AUTS2: variants seen among roughly 807,000 people sequenced by gnomAD.
The protein encoded by AUTS2 is autism susceptibility gene 2 protein.
AUTS2 carries 17 observed loss-of-function variants against 112.4 expected under a neutral mutation model. That is an observed-to-expected ratio of 0.15 (90% confidence interval 0.10 to 0.23). The LOEUF is 0.23. AUTS2 is among the 10% of genes least tolerant of loss of function. The probability of loss-of-function intolerance (pLI) is 1.00; values close to 1 mark genes in which losing one functional copy is unlikely to be tolerated. For synonymous variants in AUTS2, 751 were observed against 702.7 expected (o/e 1.07, Z -1.09); for missense variants, 1,510 against 1,701.6 (o/e 0.89, Z 1.98).
chr7:69,629,559 A>G (rs766825236), intron 1 of AUTS2, among the ~76,000 whole-genome samples: 2 of 152,226 alleles, frequency 1.3e-5, no homozygotes, highest in Non-Finnish European at 2.9e-5. Flanking sequence ...ATGAGCCCCA[A>G]CTTCTCATTA....
chr7:69,976,859 G>T (rs1341739698), intron 2 of AUTS2, among the ~76,000 whole-genome samples: 1 of 152,048 alleles, frequency 6.6e-6, no homozygotes, highest in Admixed American at 6.6e-5. Flanking sequence ...CGGGCATATG[G>T]TTTGGAAACA....
intron 5 of AUTS2, among the ~76,000 whole-genome samples, chr7:70,446,286 T>C (rs1203398647): frequency 2.0e-5 from 3 of 152,204 alleles, no homozygotes; most frequent in Non-Finnish European, 4.4e-5. Flanking sequence ...AGATTATGTA[T>C]TTGCCACTAA....
chr7:69,891,597 A>G (rs978438650), intron 1 of AUTS2, among the ~76,000 whole-genome samples: 2 of 151,630 alleles, frequency 1.3e-5, no homozygotes, highest in Admixed American at 1.3e-4. Context: ...TCTCACCAGT[A>G]GTGTATGTAT....
chr7:70,390,735 G>A (rs892127084), intron 4 of AUTS2, among the ~76,000 whole-genome samples: 1 of 152,100 alleles, frequency 6.6e-6, no homozygotes, highest in Non-Finnish European at 1.5e-5. Flanking sequence ...GAGTTAGGTA[G>A]TTCCCCCATT....
intron 5 of AUTS2, chr7:70,596,603 C>T (rs1023893244): frequency 6.6e-6 from 1 of 152,288 alleles, no homozygotes; most frequent in Non-Finnish European, 1.5e-5. Context: ...GAGACCGCTT[C>T]GGGTGGTTTT....
intron 1 of AUTS2, among the ~76,000 whole-genome samples, chr7:69,690,492 CAGAGCGGCA>C (rs776854027): frequency 2.0e-5 from 3 of 152,204 alleles, no homozygotes; most frequent in Non-Finnish European, 4.4e-5. Context: ...TGAGCAGGCG[CAGAGCGGCA>C]AGGGGTGTGT....
At chr7:70,668,020 G>A (rs1807435604) in intron 5 of AUTS2, among the ~76,000 whole-genome samples, 1 of 152,182 alleles carries the variant, frequency 6.6e-6, no homozygotes, top group Admixed American at 6.5e-5. Flanking sequence ...TTTTCACCTA[G>A]GCTGGATGGA....
chr7:69,999,213 G>T (rs927064322), intron 2 of AUTS2, among the ~76,000 whole-genome samples: 2 of 152,006 alleles, frequency 1.3e-5, no homozygotes, highest in Non-Finnish European at 2.9e-5. Context: ...AAATTTTCAG[G>T]GTCCTATAAT....
intron 4 of AUTS2, among the ~76,000 whole-genome samples, chr7:70,386,038 G>T (rs928565300): frequency 1.3e-5 from 2 of 152,152 alleles, no homozygotes; most frequent in Non-Finnish European, 2.9e-5. Flanking sequence ...CGGGAGCCTG[G>T]GATTATACTT....
intron 5 of AUTS2, among the ~76,000 whole-genome samples, chr7:70,671,024 T>G (rs1244749595): frequency 6.6e-6 from 1 of 151,938 alleles, no homozygotes; most frequent in African/African-American, 2.4e-5. Flanking sequence ...ATACAAAAAT[T>G]AGCTAGGTGT....
At chr7:70,100,889 T>G (rs1166441290) in intron 2 of AUTS2, among the ~76,000 whole-genome samples, 1 of 152,010 alleles carries the variant, frequency 6.6e-6, no homozygotes, top group East Asian at 1.9e-4. Context: ...TTTGTTTTTG[T>G]TTTTTTGAGA....
chr7:70,441,139 C>G (rs1466601493), intron 5 of AUTS2, among the ~76,000 whole-genome samples: 1 of 152,196 alleles, frequency 6.6e-6, no homozygotes, highest in Non-Finnish European at 1.5e-5. Flanking sequence ...CACACATACA[C>G]AATCTCACAG....
chr7:70,197,697 A>G (rs1810264996), intron 4 of AUTS2, among the ~76,000 whole-genome samples: 1 of 15,022 alleles, frequency 6.7e-5, no homozygotes, highest in African/African-American at 3.0e-4. Context: ...TCCTACGCCC[A>G]CGGAATCTCG....
intron 2 of AUTS2, among the ~76,000 whole-genome samples, chr7:69,944,881 G>T (rs1196125957): frequency 6.6e-6 from 1 of 152,130 alleles, no homozygotes; most frequent in Non-Finnish European, 1.5e-5. Context: ...TGATGAAAGG[G>T]TCAGATAGAT....
intron 4 of AUTS2, among the ~76,000 whole-genome samples, chr7:70,182,900 C>T (rs1248195206): frequency 6.6e-6 from 1 of 152,108 alleles, no homozygotes; most frequent in Non-Finnish European, 1.5e-5. Context: ...TGGCAATACA[C>T]GTTGATGGCC....
chr7:69,924,366 G>T (rs1783876630), intron 2 of AUTS2, among the ~76,000 whole-genome samples: 1 of 151,910 alleles, frequency 6.6e-6, no homozygotes, highest in African/African-American at 2.4e-5. Flanking sequence ...TTACACCTGT[G>T]TTCATGAATA....
intron 5 of AUTS2, among the ~76,000 whole-genome samples, chr7:70,548,461 T>C (rs1220272444): frequency 6.6e-6 from 1 of 152,192 alleles, no homozygotes; most frequent in African/African-American, 2.4e-5. Context: ...TGGATCATAC[T>C]TTTGTTGTTA....
chr7:70,407,881 C>T (rs1027947252), intron 4 of AUTS2, among the ~76,000 whole-genome samples: 8 of 151,806 alleles, frequency 5.3e-5, no homozygotes, highest in Admixed American at 6.6e-5. Context: ...GGTGAAACCC[C>T]GTCTCTACTA....
intron 5 of AUTS2, among the ~76,000 whole-genome samples, chr7:70,562,593 T>C (rs1337791386): frequency 1.3e-5 from 2 of 152,208 alleles, no homozygotes; most frequent in Non-Finnish European, 2.9e-5. Flanking sequence ...GCATCATGAT[T>C]CCATGTCCAC....
Sources: allele counts gnomAD v4.1 joint callset (sites outside exome capture counted in the v4.1 genomes callset), GRCh38; gene constraint gnomAD v4.1.1; transcripts MANE v1.5; gene names NCBI Gene and HGNC (gene_info 2026-07-23, HGNC 2026-07-21).